The following ZCCHC7 variants were observed in gnomAD, a reference collection of about 807,000 sequenced individuals.
The protein encoded by ZCCHC7 is zinc finger CCHC-type containing 7, also known as zinc finger CCHC domain-containing protein 7.
ZCCHC7 carries 35 observed loss-of-function variants against 52.0 expected under a neutral mutation model. The ratio of observed to expected loss-of-function variants is 0.67; its 90% CI spans 0.51 to 0.89. The LOEUF is 0.89. ZCCHC7 is among the 40% of genes least tolerant of loss of function. The pLI, the probability that ZCCHC7 is intolerant of heterozygous loss-of-function variation, is 0.00. For missense variants in ZCCHC7, 574 were observed against 649.1 expected (o/e 0.88, Z 1.26); for synonymous variants, 217 against 221.5 (o/e 0.98, Z 0.18).
At chr9:37,161,117 T>C (rs1821078832) in intron 2 of ZCCHC7, among the ~76,000 whole-genome samples, 1 of 151,670 alleles carries the variant, frequency 6.6e-6, no homozygotes, top group South Asian at 2.1e-4. Flanking sequence ...AACTGGCTAA[T>C]TTTTGTATTT....
chr9:37,322,086 G>A (rs1374941425), intron 5 of ZCCHC7, among the ~76,000 whole-genome samples: 1 of 152,142 alleles, frequency 6.6e-6, no homozygotes, highest in East Asian at 1.9e-4. Context: ...TGAAAGTTAT[G>A]AAGACAGGAA....
chr9:37,291,810 C>T (rs1828552405), intron 2 of ZCCHC7, among the ~76,000 whole-genome samples: 1 of 152,156 alleles, frequency 6.6e-6, no homozygotes, highest in South Asian at 2.1e-4. Context: ...TCTCCTGCCT[C>T]AGCCTCCCGA....
At chr9:37,337,279 A>G (rs981381246) in intron 6 of ZCCHC7, among the ~76,000 whole-genome samples, 2 of 151,876 alleles carry the variant, frequency 1.3e-5, no homozygotes, top group Non-Finnish European at 2.9e-5. Flanking sequence ...TCAGCCTCAT[A>G]TATGGTTTTT....
At chr9:37,167,542 A>C (rs7846747) in intron 2 of ZCCHC7, among the ~76,000 whole-genome samples, 50,660 of 151,918 alleles carry the variant, frequency 0.33, 8,839 homozygotes, top group Middle Eastern at 0.41. Flanking sequence ...GTATTAATTG[A>C]TTTTTCTCCT....
intron 2 of ZCCHC7, among the ~76,000 whole-genome samples, chr9:37,209,818 C>G (rs1824117467): frequency 6.6e-6 from 1 of 152,128 alleles, no homozygotes; most frequent in African/African-American, 2.4e-5. Flanking sequence ...GAATAAGTTA[C>G]TGGAGTGGAC....
In ZCCHC7 at chr9:37,312,264, T is replaced by C. The variant is rs531960303; in HGVS notation, c.951+6550T>C. Reference sequence around the variant, plus strand: ...TTATTCAAAAACATCTCCAGTGTTCTACCACCCAAATAAACTTTCTACATT... The same window carrying C: ...TTATTCAAAAACATCTCCAGTGTTCCACCACCCAAATAAACTTTCTACATT... On this transcript the variant is annotated intron_variant, in intron 5 of 8. Transcript: ENST00000336755. 5.3e-5 allele frequency among the ~76,000 whole-genome samples: 8 copies of C among 152,370 alleles called. No individual in the cohort carries two copies. In the East Asian group the frequency reaches 1.3e-3, roughly 26 times the overall value.
At chr9:37,210,032 T>C (rs1347816956) in intron 2 of ZCCHC7, among the ~76,000 whole-genome samples, 1 of 152,132 alleles carries the variant, frequency 6.6e-6, no homozygotes, top group Admixed American at 6.5e-5. Context: ...TTTATTTTTT[T>C]ATTTTTTGGC....
chr9:37,132,620 T>C (rs1842833044), intron 2 of ZCCHC7, among the ~76,000 whole-genome samples: 1 of 152,224 alleles, frequency 6.6e-6, no homozygotes, highest in African/African-American at 2.4e-5. Context: ...TGTCCCTCAG[T>C]GTCTGTGGGG....
At chr9:37,141,640 G>C (rs976572903) in intron 2 of ZCCHC7, among the ~76,000 whole-genome samples, 1 of 151,858 alleles carries the variant, frequency 6.6e-6, no homozygotes, top group Non-Finnish European at 1.5e-5. Context: ...TTAACAGTAA[G>C]TGGTACTGTT....
intron 8 of ZCCHC7, among the ~76,000 whole-genome samples, chr9:37,355,874 C>T (rs1436685675): frequency 2.0e-5 from 3 of 152,098 alleles, no homozygotes; most frequent in Admixed American, 2.0e-4. Flanking sequence ...GATTAGGCAA[C>T]CAAATTAGAG....
chr9:37,155,238 G>A (rs535831116), intron 2 of ZCCHC7, among the ~76,000 whole-genome samples: 2 of 152,208 alleles, frequency 1.3e-5, no homozygotes, highest in East Asian at 1.9e-4. Flanking sequence ...GTGGGCGCAC[G>A]TAGTCCCGGC....
intron 2 of ZCCHC7, among the ~76,000 whole-genome samples, chr9:37,296,471 C>T (rs1172852601): frequency 6.6e-6 from 1 of 151,914 alleles, no homozygotes. Flanking sequence ...TGAAAGAATG[C>T]CATCTCAGAT....
chr9:37,296,881 TTG>T (rs56378965), intron 2 of ZCCHC7, among the ~76,000 whole-genome samples: 6,568 of 124,092 alleles, frequency 0.053, 286 homozygotes, highest in African/African-American at 0.12. Context: ...CCTGGCTAGT[TTG>T]TGTGTGTGTG....
At chr9:37,228,195 CAA>C (rs1825215836) in intron 2 of ZCCHC7, among the ~76,000 whole-genome samples, 1 of 152,062 alleles carries the variant, frequency 6.6e-6, no homozygotes, top group South Asian at 2.1e-4. Flanking sequence ...AAACTAATGA[CAA>C]ATCAGATCAG....
At chr9:37,318,633 C>T (rs887017200) in intron 5 of ZCCHC7, among the ~76,000 whole-genome samples, 28 of 151,846 alleles carry the variant, frequency 1.8e-4, no homozygotes, top group African/African-American at 6.8e-4. Context: ...TTTGAGTGGG[C>T]CCTGTGTGGT....
intron 2 of ZCCHC7, among the ~76,000 whole-genome samples, chr9:37,130,156 T>C (rs1033680093): frequency 6.6e-6 from 1 of 151,256 alleles, no homozygotes; most frequent in African/African-American, 2.4e-5. Flanking sequence ...GGAGAATTGC[T>C]TGACCCAGGA....
At chr9:37,329,410 C>A (rs894125447) in intron 6 of ZCCHC7, among the ~76,000 whole-genome samples, 31 of 151,630 alleles carry the variant, frequency 2.0e-4, no homozygotes, top group Non-Finnish European at 4.1e-4. Context: ...AATAAATTTA[C>A]TTTTTAAGGA....
chr9:37,344,471 A>G (rs1381002972), intron 6 of ZCCHC7, among the ~76,000 whole-genome samples: 2 of 152,086 alleles, frequency 1.3e-5, no homozygotes, highest in African/African-American at 4.8e-5. Flanking sequence ...CTCCACTTCC[A>G]AATTTACAGG....
chr9:37,164,566 AAAG>A (rs1017323457), intron 2 of ZCCHC7, among the ~76,000 whole-genome samples: 28 of 152,038 alleles, frequency 1.8e-4, no homozygotes, highest in African/African-American at 6.3e-4. Flanking sequence ...AAAGAAAAGA[AAAG>A]AGAGAAGAGA....
Sources: gnomAD v4.1 joint callset for allele counts (sites outside exome capture counted in the v4.1 genomes callset) on GRCh38, gnomAD v4.1.1 for gene constraint, MANE v1.5 for transcripts, NCBI Gene and HGNC (gene_info 2026-07-23, HGNC 2026-07-21) for gene names.